The following ADAMTSL4 variants were observed in gnomAD, a reference collection of about 807,000 sequenced individuals.
The protein encoded by ADAMTSL4 is ADAMTS-like protein 4.
Under a neutral mutation model 122.8 loss-of-function variants are expected in ADAMTSL4, and 97 were observed. The observed-to-expected ratio is 0.79, with a 90% confidence interval of 0.67 to 0.93. The LOEUF (loss-of-function observed/expected upper bound fraction) is 0.93, where lower values mean the gene tolerates loss of function less well. Among genes scored for constraint, ADAMTSL4 ranks in the 40% least tolerant of loss-of-function variants. The probability of loss-of-function intolerance (pLI) is 0.00; values close to 1 mark genes in which losing one functional copy is unlikely to be tolerated. For synonymous variants in ADAMTSL4, 592 were observed against 568.0 expected, an observed-to-expected ratio of 1.04 and a Z score of -0.60; for missense variants, 1,408 against 1,453.5, an observed-to-expected ratio of 0.97 and a Z score of 0.51.
At position 150,559,770 on chromosome 1, in the gene ADAMTSL4, T is replaced by G; in HGVS notation, c.2953T>G (p.Ser985Ala). ...FSTPWSPCSRSCQGGTQTREV... is the reference protein window; with the variant it reads ...FSTPWSPCSRACQGGTQTREV... ...GCTGGGGTCGCCCCAGTGTTCTCGCTCCTGCCAAGGGGGAACGCAGACACG... is the reference window on the plus strand; with the variant it reads ...GCTGGGGTCGCCCCAGTGTTCTCGCGCCTGCCAAGGGGGAACGCAGACACG... The change falls in exon 18 of 19, where the codon TCC becomes GCC. Residue 985 changes from serine (S) to alanine (A), a missense_variant. Physicochemically the swap from Ser to Ala is moderately conservative, Grantham distance 99. Transcript: ENST00000271643. This position sits in a 1 kb window ranked among gnomAD's most constrained non-coding sequence, Gnocchi z 4.1. The G allele has an allele frequency of 6.2e-7, 1 of 1,613,890 alleles. No homozygotes were observed. The highest frequency in any genetic ancestry group is 8.5e-7 in the Non-Finnish European group (1 of 1,179,980).
In ADAMTSL4 at chr1:150,553,050, G is replaced by C; in HGVS notation, c.231G>C (p.Gln77His). ...RSRTCQLPTVQLHPSLPLPPR... is the reference protein window; with the variant it reads ...RSRTCQLPTVHLHPSLPLPPR... The stretch of plus-strand genomic sequence containing the variant: ...GGACATGTCAGCTCCCTACAGTGCA[G>C]CTCCACCCGAGTCTGCCCCTCCCTC... The change falls in exon 5 of 19, where the codon CAG becomes CAC. Residue 77 changes from glutamine (Q) to histidine (H), a missense_variant. Coordinates refer to ENST00000271643, the MANE Select transcript of ADAMTSL4 (RefSeq NM_019032.6). The C allele has an allele frequency of 1.2e-6, 2 of 1,613,310 alleles. No individual in the cohort carries two copies. The highest frequency in any genetic ancestry group is 1.7e-6 in the Non-Finnish European group (2 of 1,179,848).
rs1672557219 is a variant in ADAMTSL4, at chr1:150,559,397, G to A, written c.2874G>A (p.Arg958=). 2.5e-6 allele frequency: 4 copies of A among 1,613,556 alleles called. No individual in the cohort carries two copies. Among genetic ancestry groups the A allele is most frequent in the South Asian group, 1.1e-5 (1 of 91,086 alleles). Residue 958 remains arginine, a synonymous_variant, in exon 17 of 19, where the codon AGG becomes AGA. Coordinates refer to ENST00000271643, the MANE Select transcript of ADAMTSL4 (RefSeq NM_019032.6). This position sits in a 1 kb window ranked among gnomAD's most constrained non-coding sequence, Gnocchi z 4.1. ...CGAGCAACTGTTCTCACCTCCCCAGGCCCCCTGCCCTGCAGCCCTGTCAAG... is the reference window on the plus strand; with the variant it reads ...CGAGCAACTGTTCTCACCTCCCCAGACCCCCTGCCCTGCAGCCCTGTCAAG... ...TSPSNCSHLP[R]PPALQPCQGQ...
Position 150,550,236 on chromosome 1 carries a change from C to T in ADAMTSL4, c.-85+341C>T, listed in dbSNP as rs142407416. On this transcript the variant is annotated intron_variant, in intron 2 of 18. Coordinates refer to ENST00000271643, the MANE Select transcript of ADAMTSL4 (RefSeq NM_019032.6). ...CACCTCTGACCTCTCCTTTCCTCGT[C>T]CTGGGCCGGGAACGACACCAAATGA... 3,135 of 456,644 alleles carry T rather than the reference C, an allele frequency of 6.9e-3. 17 individuals carry two copies. The highest frequency in any genetic ancestry group is 0.011 in the Non-Finnish European group (2,384 of 226,964). 28.3% of individuals were successfully genotyped at this position (456,644 alleles called of 1,614,324 possible). A position where few individuals can be genotyped will look rare whatever the true frequency, so the allele number is the denominator to read the frequency against.
Position 150,554,388 on chromosome 1 carries a change from C to T in ADAMTSL4, c.1155C>T (p.Asp385=). The T allele has an allele frequency of 6.2e-7, 1 of 1,613,626 alleles. No individual in the cohort carries two copies. The highest frequency in any genetic ancestry group is 1.3e-5 in the African/African-American group (1 of 75,016). ...SQAPCPPEQP[D]PRALQCAAFN... ...AGCCCTGCCCCCCTGAGCAGCCAGA[C>T]CCCCGGGCCCTGCAGTGCGCAGCCT... Residue 385 remains aspartate, a synonymous_variant, in exon 7 of 19, where the codon GAC becomes GAT. Transcript: ENST00000271643. This position sits in a 1 kb window ranked among gnomAD's most constrained non-coding sequence, Gnocchi z 4.0.
At chr1:150,555,650 T>G in intron 8 of ADAMTSL4, 85 bp downstream of exon 8, 1 of 1,524,802 alleles carries the variant, frequency 6.6e-7, no homozygotes, top group South Asian at 1.2e-5. Context: ...TGTACACACA[T>G]ATGTATGAAC....
At chr1:150,550,975 A>G in intron 2 of ADAMTSL4, 1 of 456,240 alleles carries the variant, frequency 2.2e-6, no homozygotes, top group Non-Finnish European at 4.4e-6. Context: ...GGTGCCTTTC[A>G]GATCCAACAG....
In ADAMTSL4 at chr1:150,554,940, C is replaced by T. The variant is rs1671861405; in HGVS notation, c.1234+473C>T. On this transcript the variant is annotated intron_variant, in intron 7 of 18. Coordinates refer to ENST00000271643, the MANE Select transcript of ADAMTSL4 (RefSeq NM_019032.6). This position sits in a 1 kb window ranked among gnomAD's most constrained non-coding sequence, Gnocchi z 4.0. ...TGGGCATCAGGGATTGCTCCTCTCTCAGTTCAGAGTCCCCTTGATGGTCTC... is the reference window on the plus strand; with the variant it reads ...TGGGCATCAGGGATTGCTCCTCTCTTAGTTCAGAGTCCCCTTGATGGTCTC... Among the ~76,000 whole-genome samples the T allele has an allele frequency of 6.6e-6, 1 of 151,270 alleles. No homozygotes were observed. The highest frequency in any genetic ancestry group is 1.5e-5 in the Non-Finnish European group (1 of 67,866).
rs1672195434 is a variant in ADAMTSL4, at chr1:150,556,933, C to A, written c.1750-6C>A. 1 of 1,612,986 alleles carries A rather than the reference C, an allele frequency of 6.2e-7. No homozygotes were observed. Among genetic ancestry groups the A allele is most frequent in the Admixed American group, 1.7e-5 (1 of 59,998 alleles). On this transcript the variant is annotated splice_region_variant and splice_polypyrimidine_tract_variant and intron_variant, in intron 10 of 18. Transcript: ENST00000271643. This position sits in a 1 kb window ranked among gnomAD's most constrained non-coding sequence, Gnocchi z 4.1. The stretch of plus-strand genomic sequence containing the variant: ...CCACATATTCATTATCTTCTCTTCT[C>A]CCCAGATGATCTTTCAGGAGGAAAA...
chr1:150,555,642 T>TGCAC, intron 8 of ADAMTSL4, 77 bp downstream of exon 8: 2 of 1,574,840 alleles, frequency 1.3e-6, no homozygotes, highest in Non-Finnish European at 1.7e-6. Flanking sequence ...CATACACATG[T>TGCAC]ACACACATAT....
intron 15 of ADAMTSL4, 69 bp downstream of exon 15, chr1:150,558,718 A>G (rs757360905): frequency 8.7e-6 from 14 of 1,612,150 alleles, no homozygotes; most frequent in Admixed American, 6.7e-5. Flanking sequence ...CAGCCTTTCC[A>G]GCATAGCTCA....
Position 150,559,176 on chromosome 1 carries a change from C to T in ADAMTSL4, c.2763+11C>T, listed in dbSNP as rs754513956. ...GGGCCCTGGGGTGAGGTAAGCTGAG[C>T]GCCTGCTGAGAGCAGGAAGGGGGTG... is the stretch of plus-strand genomic sequence containing the variant. On this transcript the variant is annotated intron_variant, in intron 16 of 18. Coordinates refer to ENST00000271643, the MANE Select transcript of ADAMTSL4 (RefSeq NM_019032.6). The surrounding 1 kb of genome is among the most constrained non-coding windows in gnomAD (Gnocchi z 4.1). The T allele has an allele frequency of 2.0e-5, 32 of 1,611,930 alleles. No individual in the cohort carries two copies. The highest frequency in any genetic ancestry group is 1.1e-4 in the South Asian group (10 of 90,910).
In ADAMTSL4 at chr1:150,553,774, G is replaced by GC. The variant is rs765800065; in HGVS notation, c.789dup (p.Ser264LeufsTer37). 10 of 1,613,552 alleles carry GC rather than the reference G, an allele frequency of 6.2e-6. No individual in the cohort carries two copies. In the South Asian group the frequency reaches 7.7e-5, roughly 12 times the overall value. ...CCAGAGCCCAGGCCTCTGGCACAGA[G>GC]CCCCCCTCACCCACGCACTCCTTAG... On this transcript the variant is annotated frameshift_variant, in exon 6 of 19. Transcript: ENST00000271643. LOFTEE classifies it high-confidence loss of function.
At position 150,559,454 on chromosome 1, in the gene ADAMTSL4, G is replaced by A. The variant is rs142156525; in HGVS notation, c.2931G>A (p.Thr977=). The A allele has an allele frequency of 2.3e-4, 365 of 1,613,296 alleles. 3 individuals are homozygous for A. The African/African-American group carries it at 3.6e-3, about 16-fold the overall frequency. The change falls in exon 17 of 19, where the codon ACG becomes ACA. Residue 977 remains threonine (T), a synonymous_variant. Transcript: ENST00000271643. This position sits in a 1 kb window ranked among gnomAD's most constrained non-coding sequence, Gnocchi z 4.1. ...CCTGCCAGGACCGATGGTTTTCCACGCCCTGGAGCCCAGTGAGTGTCTGGC... is the reference window on the plus strand; with the variant it reads ...CCTGCCAGGACCGATGGTTTTCCACACCCTGGAGCCCAGTGAGTGTCTGGC... ...GQACQDRWFS[T]PWSPCSRSCQ...
chr1:150,553,117 C>G lies in ADAMTSL4; in HGVS notation c.298C>G (p.Gln100Glu). Residue 100 changes from glutamine to glutamate, a missense_variant, in exon 5 of 19, where the codon CAG becomes GAG. Transcript: ENST00000271643. Reference sequence around the variant, plus strand: ...TCCAGAAGCCCTCCTCCCCCGGGGCCAGGGTCCCAGACCCCAGACTTCTCC... The same window carrying G: ...TCCAGAAGCCCTCCTCCCCCGGGGCGAGGGTCCCAGACCCCAGACTTCTCC... The part of the protein sequence containing the change: ...RHPEALLPRG[Q>E]GPRPQTSPET... The G allele has an allele frequency of 6.2e-7, 1 of 1,613,282 alleles. No homozygotes were observed. The highest frequency in any genetic ancestry group is 1.7e-5 in the Admixed American group (1 of 59,938).
At chr1:150,557,860 G>A (rs1192193845) in intron 13 of ADAMTSL4, 85 bp from the exon 14 acceptor site, 17 of 1,513,702 alleles carry the variant, frequency 1.1e-5, no homozygotes, top group Non-Finnish European at 1.5e-5. Context: ...CCCACGTCCA[G>A]TGTGTCTTCC....
At position 150,556,302 on chromosome 1, in the gene ADAMTSL4, G is replaced by C. The variant is rs780072973; in HGVS notation, c.1512G>C (p.Leu504Phe). Residue 504 changes from leucine to phenylalanine, a missense_variant, in exon 9 of 19, where the codon TTG (leucine) becomes TTC (phenylalanine). Leu to Phe is a conservative substitution (Grantham distance 22). Coordinates refer to ENST00000271643, the MANE Select transcript of ADAMTSL4 (RefSeq NM_019032.6). This position sits in a 1 kb window ranked among gnomAD's most constrained non-coding sequence, Gnocchi z 4.1. ...RGGPLGYQKILWIPAGALRLQ... is the reference protein window; with the variant it reads ...RGGPLGYQKIFWIPAGALRLQ... ...GCCCCCTGGGCTATCAGAAGATCTT[G>C]TGGATTCCAGCGGGAGCCTTGCGGC... 2 of 1,614,060 alleles carry C rather than the reference G, an allele frequency of 1.2e-6. No individual in the cohort carries two copies. Among genetic ancestry groups the C allele is most frequent in the African/African-American group, 2.7e-5 (2 of 74,930 alleles).
At position 150,557,362 on chromosome 1, in the gene ADAMTSL4, A is replaced by G. The variant is rs1415627745; in HGVS notation, c.2047+27A>G. On this transcript the variant is annotated intron_variant, in intron 12 of 18. Coordinates refer to ENST00000271643, the MANE Select transcript of ADAMTSL4 (RefSeq NM_019032.6). Reference sequence around the variant, plus strand: ...TGAGACATCACAGTGCGTTCCCCGCATCTCGGTCCAAACCCCCCAACTGAC... The same window carrying G: ...TGAGACATCACAGTGCGTTCCCCGCGTCTCGGTCCAAACCCCCCAACTGAC... The G allele has an allele frequency of 3.7e-6, 6 of 1,603,710 alleles. No individual in the cohort carries two copies. The Admixed American group carries it at 1.0e-4, about 27-fold the overall frequency.
chr1:150,556,651 T>C lies in ADAMTSL4; in HGVS notation c.1607T>C (p.Ile536Thr). 1 of 1,613,994 alleles carries C rather than the reference T, an allele frequency of 6.2e-7. No homozygotes were observed. The highest frequency in any genetic ancestry group is 8.5e-7 in the Non-Finnish European group (1 of 1,179,990). Residue 536 changes from isoleucine (I) to threonine (T), a missense_variant, in exon 10 of 19, where the codon ATC becomes ACC. Coordinates refer to ENST00000271643, the MANE Select transcript of ADAMTSL4 (RefSeq NM_019032.6). The surrounding 1 kb of genome is among the most constrained non-coding windows in gnomAD (Gnocchi z 4.1). ...ALRGPGGRSI[I>T]NGNWAVDPPG... The stretch of plus-strand genomic sequence containing the variant: ...CGTGGCCCTGGGGGCCGGTCCATCA[T>C]CAATGGGAACTGGGCTGTGGATCCC...
In ADAMTSL4 at chr1:150,553,884, G is replaced by A. The variant is rs768459004; in HGVS notation, c.893G>A (p.Arg298His). The change falls in exon 6 of 19, where the codon CGC becomes CAC. Residue 298 changes from arginine (R) to histidine (H), a missense_variant. By Grantham distance (29) the Arg-to-His change is conservative. Coordinates refer to ENST00000271643, the MANE Select transcript of ADAMTSL4 (RefSeq NM_019032.6). ...GWASPQVAGRRPDPFPSVPRG... is the reference protein window; with the variant it reads ...GWASPQVAGRHPDPFPSVPRG... ...GCCAGTCCCCAGGTAGCAGGGAGAC[G>A]CCCTGATCCTTTTCCTTCGGTCCCT... 1.1e-5 allele frequency: 17 copies of A among 1,613,806 alleles called. No homozygotes were observed. Among genetic ancestry groups the A allele is most frequent in the Middle Eastern group, 1.6e-4 (1 of 6,084 alleles).
Sources: allele counts gnomAD v4.1 joint callset (sites outside exome capture counted in the v4.1 genomes callset), GRCh38; gene constraint gnomAD v4.1.1; non-coding constraint Gnocchi (gnomAD v3.1); transcripts MANE v1.5; gene names NCBI Gene and HGNC (gene_info 2026-07-23, HGNC 2026-07-21).